TERB1: variants seen among roughly 807,000 people sequenced by gnomAD.
The protein encoded by TERB1 is telomere repeat binding bouquet formation protein 1.
TERB1 carries 63 observed loss-of-function variants against 92.3 expected under a neutral mutation model. The observed-to-expected ratio is 0.68, with a 90% CI of 0.56 to 0.84. TERB1 has a LOEUF of 0.84. Among genes scored for constraint, TERB1 ranks in the 40% least tolerant of loss-of-function variants. TERB1 has a pLI of 0.00. For synonymous variants in TERB1, 252 were observed against 283.9 expected (o/e 0.89, Z 1.13); for missense variants, 709 against 843.7 (o/e 0.84, Z 1.98).
In TERB1 at chr16:66,786,026, T is replaced by C. The variant is rs1335109171; in HGVS notation, c.565A>G (p.Asn189Asp). ...VCSTLCVCVN[N>D]PQNDENQMFC... Reference sequence around the variant, plus strand: ...GACAGATAATTACCATTTTGAGGATTGTTGACACAGACACACAGAGTACTA... The same window carrying C: ...GACAGATAATTACCATTTTGAGGATCGTTGACACAGACACACAGAGTACTA... Residue 189 changes from asparagine (N) to aspartate (D), a missense_variant, in exon 8 of 19, where the codon AAT (asparagine) becomes GAT (aspartate). Asn to Asp is a conservative substitution (Grantham distance 23, BLOSUM62 1). Coordinates refer to ENST00000433154, the MANE Select transcript of TERB1 (RefSeq NM_001136505.2). The C allele has an allele frequency of 3.2e-6, 5 of 1,546,856 alleles. No individual in the cohort carries two copies. The Admixed American group carries it at 9.9e-5, about 31-fold the overall frequency.
intron 11 of TERB1, among the ~76,000 whole-genome samples, chr16:66,775,904 G>A (rs2018540515): frequency 6.6e-6 from 1 of 151,658 alleles, no homozygotes; most frequent in South Asian, 2.1e-4. Context: ...TAGAGACAGG[G>A]TTTCAACATG....
At chr16:66,765,478 G>C (rs1386158390) in intron 16 of TERB1, among the ~76,000 whole-genome samples, 2 of 146,772 alleles carry the variant, frequency 1.4e-5, no homozygotes, top group South Asian at 2.1e-4. Flanking sequence ...TTTTTTTGGA[G>C]ACAGAATCTC....
chr16:66,797,012 G>A (rs150720821), intron 2 of TERB1, among the ~76,000 whole-genome samples, 182 bp from the exon 3 acceptor site: 57 of 152,180 alleles, frequency 3.7e-4, no homozygotes, highest in Non-Finnish European at 3.4e-4. Context: ...TATTAGATGC[G>A]TGATATCAAG....
chr16:66,759,245 T>C lies in TERB1; in HGVS notation c.1826A>G (p.Lys609Arg), dbSNP rs1567464086. Residue 609 changes from lysine (K) to arginine (R), a missense_variant, in exon 17 of 19, where the codon AAG (lysine) becomes AGG (arginine). By Grantham distance (26) the Lys-to-Arg change is conservative. Coordinates refer to ENST00000433154, the MANE Select transcript of TERB1 (RefSeq NM_001136505.2). ...EKSLNSRNFSKLLHSCPYQCD... is the reference protein window; with the variant it reads ...EKSLNSRNFSRLLHSCPYQCD... ...TTGGTATGGGCAAGAGTGCAAGAGC[T>C]TGCTAAAGTTTCGGCTATTCAGGGA... is the stretch of plus-strand genomic sequence containing the variant. 1.3e-6 allele frequency: 2 copies of C among 1,547,368 alleles called. No homozygotes were observed. Among genetic ancestry groups the C allele is most frequent in the East Asian group, 2.4e-5 (1 of 40,890 alleles).
intron 16 of TERB1, among the ~76,000 whole-genome samples, chr16:66,764,864 A>T (rs2018312142): frequency 1.3e-5 from 2 of 152,236 alleles, no homozygotes; most frequent in Admixed American, 6.5e-5. Context: ...AGCTTAAAGT[A>T]ACAAGAAGAT....
chr16:66,755,842 C>T (rs1268982566), intron 18 of TERB1, among the ~76,000 whole-genome samples: 2 of 152,108 alleles, frequency 1.3e-5, no homozygotes, highest in Middle Eastern at 3.2e-3. Flanking sequence ...TCCCAAAGGG[C>T]TCCATAACTT....
At chr16:66,783,899 G>T (rs1237416269) in intron 9 of TERB1, among the ~76,000 whole-genome samples, 1 of 152,156 alleles carries the variant, frequency 6.6e-6, no homozygotes, top group Non-Finnish European at 1.5e-5. Flanking sequence ...CCCAGCTTGT[G>T]TTAAGGTTTT....
rs1016681397 is a variant in TERB1 at position 66,768,146 on chromosome 16, C to G, written c.1642G>C (p.Val548Leu). 8.4e-6 allele frequency: 13 copies of G among 1,550,402 alleles called. No homozygotes were observed. The African/African-American group carries it at 1.8e-4, about 21-fold the overall frequency. The change falls in exon 15 of 19, where the codon GTT (valine) becomes CTT (leucine). Residue 548 changes from valine (V) to leucine (L), a missense_variant. Transcript: ENST00000433154. ...QSSDHVFKHPVHIAKNIKQQL... is the reference protein window; with the variant it reads ...QSSDHVFKHPLHIAKNIKQQL... ...TGCTTTATATTTTTGGCAATGTGAACTGGGTGTTTAAAAACATGGTCACTA... is the reference window on the plus strand; with the variant it reads ...TGCTTTATATTTTTGGCAATGTGAAGTGGGTGTTTAAAAACATGGTCACTA...
At chr16:66,759,957 A>G (rs1351474391) in intron 16 of TERB1, among the ~76,000 whole-genome samples, 3 of 146,856 alleles carry the variant, frequency 2.0e-5, no homozygotes, top group Non-Finnish European at 4.5e-5. Context: ...ATATGGTGAA[A>G]CCCCATCTCT....
chr16:66,768,963 G>T (rs1202085128), intron 14 of TERB1, among the ~76,000 whole-genome samples: 1 of 151,946 alleles, frequency 6.6e-6, no homozygotes, highest in Non-Finnish European at 1.5e-5. Flanking sequence ...AAATTAGCCG[G>T]GCGTGGTGGC....
chr16:66,784,464 C>T (rs552474601), intron 9 of TERB1, among the ~76,000 whole-genome samples: 3 of 151,394 alleles, frequency 2.0e-5, no homozygotes, highest in Admixed American at 6.6e-5. Context: ...CCCGAGTAGC[C>T]GGGATTACAT....
In TERB1 at chr16:66,788,344, T is replaced by C. The variant is rs752058862; in HGVS notation, c.272-47A>G. The C allele has an allele frequency of 3.0e-4, 422 of 1,409,254 alleles. 1 individual carries two copies. In the Middle Eastern group the frequency reaches 8.1e-3, roughly 27 times the overall value. 87.3% of individuals were successfully genotyped at this position (1,409,254 alleles called of 1,614,324 possible). On this transcript the variant is annotated intron_variant, in intron 5 of 18. Coordinates refer to ENST00000433154, the MANE Select transcript of TERB1 (RefSeq NM_001136505.2). ...TAATTTCAATGCATTGTCACAAACA[T>C]GCTTTAAAATATGCTGAACAAAATA...
At chr16:66,787,987 G>T (rs1396217082) in intron 6 of TERB1, among the ~76,000 whole-genome samples, 182 bp downstream of exon 6, 1 of 152,170 alleles carries the variant, frequency 6.6e-6, no homozygotes, top group Non-Finnish European at 1.5e-5. Context: ...ACTTGAACCA[G>T]GTGGCAGAGG....
chr16:66,769,746 C>T (rs374718142), intron 14 of TERB1, among the ~76,000 whole-genome samples: 8 of 152,082 alleles, frequency 5.3e-5, no homozygotes, highest in African/African-American at 1.4e-4. Context: ...GAGTTAAAAC[C>T]CAAAATCCAC....
At chr16:66,769,859 T>C (rs886979819) in intron 14 of TERB1, 104 bp downstream of exon 14, 31 of 821,020 alleles carry the variant, frequency 3.8e-5, no homozygotes, top group Admixed American at 5.4e-5. Flanking sequence ...CCATGTTTCA[T>C]CATGTCACTT....
Position 66,785,862 on chromosome 16 carries a change from T to C in TERB1, c.624A>G (p.Glu208=), listed in dbSNP as rs1196362030. ...CAGGTGTCGTGCAATTTTTTAGCCA[T>C]TCATTAGCATGTGGAAAAAGGGAAC... The part of the protein sequence containing the change: ...FCCSLFPHAN[E]WLKNCTTPEI... Residue 208 remains glutamate (E), a synonymous_variant, in exon 9 of 19, where the codon GAA becomes GAG. Coordinates refer to ENST00000433154, the MANE Select transcript of TERB1 (RefSeq NM_001136505.2). 1 of 1,549,298 alleles carries C rather than the reference T, an allele frequency of 6.5e-7. No individual in the cohort carries two copies. Among genetic ancestry groups the C allele is most frequent in the South Asian group, 1.2e-5 (1 of 83,210 alleles).
At chr16:66,778,204 T>C (rs2018580509) in intron 10 of TERB1, among the ~76,000 whole-genome samples, 1 of 152,184 alleles carries the variant, frequency 6.6e-6, no homozygotes, top group Admixed American at 6.5e-5. Context: ...ATTCTTTACA[T>C]AAATTGGGTT....
chr16:66,776,470 T>C (rs1235537892), intron 11 of TERB1, among the ~76,000 whole-genome samples: 1 of 152,064 alleles, frequency 6.6e-6, no homozygotes, highest in African/African-American at 2.4e-5. Flanking sequence ...AAAAAGGGTA[T>C]AATCAATCCT....
In TERB1 at chr16:66,796,196, T is replaced by C. The variant is rs138050089; in HGVS notation, c.31+572A>G. On this transcript the variant is annotated intron_variant, in intron 3 of 18. Coordinates refer to ENST00000433154, the MANE Select transcript of TERB1 (RefSeq NM_001136505.2). ...TTAACATAACAAATTACATCCTAAA[T>C]GCAAAACGCAGTGGAAAATTCAGTC... Among the ~76,000 whole-genome samples, 59 of 152,352 alleles carry C rather than the reference T, an allele frequency of 3.9e-4. No individual in the cohort carries two copies. The East Asian group carries it at 9.1e-3, about 23-fold the overall frequency.
Sources: allele counts gnomAD v4.1 joint callset (sites outside exome capture counted in the v4.1 genomes callset), GRCh38; gene constraint gnomAD v4.1.1; transcripts MANE v1.5; gene names NCBI Gene and HGNC (gene_info 2026-07-23, HGNC 2026-07-21).